Variants in GSE1 observed in about 807,000 individuals in gnomAD.
The protein encoded by GSE1 is genetic suppressor element 1.
Under a neutral mutation model 112.6 loss-of-function variants are expected in GSE1, and 32 were observed. The observed-to-expected ratio is 0.28, with a 90% confidence interval of 0.21 to 0.38. The LOEUF is 0.38. GSE1 is among the 10% of genes least tolerant of loss of function. The pLI, the probability that GSE1 is intolerant of heterozygous loss-of-function variation, is 1.00. For missense variants in GSE1, 2,348 were observed against 1,699.2 expected (o/e 1.38, Z -6.71); for synonymous variants, 1,115 against 735.6 (o/e 1.52, Z -8.35).
chr16:85,172,848 AT>A (rs1451688179), intron 1 of GSE1, among the ~76,000 whole-genome samples: 1 of 152,188 alleles, frequency 6.6e-6, no homozygotes, highest in Non-Finnish European at 1.5e-5. Flanking sequence ...GAGGTGGACT[AT>A]CTGGGGGACA....
Position 85,527,427 on chromosome 16 carries a change from C to T in GSE1, c.2465-106487C>T, listed in dbSNP as rs975888315. ...CTGGGCTGGGATGAACCGGGATTACCGGGGAGGCAGGGGTTGAGGACAAAG... is the reference window on the plus strand; with the variant it reads ...CTGGGCTGGGATGAACCGGGATTACTGGGGAGGCAGGGGTTGAGGACAAAG... On this transcript the variant is annotated intron_variant, in intron 2 of 2. Transcript: ENST00000637419. Among the ~76,000 whole-genome samples the T allele has an allele frequency of 3.3e-5, 5 of 152,378 alleles. No individual in the cohort carries two copies. In the South Asian group the frequency reaches 8.3e-4, roughly 25 times the overall value.
At chr16:85,437,160 C>T (rs540077595) in intron 2 of GSE1, among the ~76,000 whole-genome samples, 152 of 152,226 alleles carry the variant, frequency 1.0e-3, no homozygotes, top group African/African-American at 3.5e-3. Context: ...CCCACAGTCC[C>T]CCAACCCTCT....
intron 1 of GSE1, among the ~76,000 whole-genome samples, chr16:85,221,179 G>T (rs535410930): frequency 2.6e-5 from 4 of 152,142 alleles, no homozygotes; most frequent in African/African-American, 9.6e-5. Flanking sequence ...ATGGTCACAG[G>T]GTCGGCATCT....
At chr16:85,338,843 C>G (rs1008613496) in intron 1 of GSE1, among the ~76,000 whole-genome samples, 2 of 152,212 alleles carry the variant, frequency 1.3e-5, no homozygotes, top group African/African-American at 2.4e-5. Flanking sequence ...GCAGGGCAAG[C>G]TGTGATGGAC....
intron 2 of GSE1, among the ~76,000 whole-genome samples, chr16:85,529,778 C>T (rs1399915232): frequency 6.6e-6 from 1 of 152,182 alleles, no homozygotes; most frequent in African/African-American, 2.4e-5. Flanking sequence ...GACTGTCTAG[C>T]TAGAGGAGGT....
rs933503291 is a variant in GSE1, at chr16:85,459,404, G to A, written c.2464+101761G>A. ...AGAGTGACTTTGGGTTTCAGCTCCC[G>A]CTTGCCATTTCCTCCAGGAGCTCTT... On this transcript the variant is annotated intron_variant, in intron 2 of 2. Transcript: ENST00000637419. 2.6e-5 allele frequency among the ~76,000 whole-genome samples: 4 copies of A among 152,302 alleles called. No homozygotes were observed. In the East Asian group the frequency reaches 5.8e-4, roughly 22 times the overall value.
At chr16:85,614,708 C>G (rs2048259150) in intron 1 of GSE1, among the ~76,000 whole-genome samples, 1 of 152,210 alleles carries the variant, frequency 6.6e-6, no homozygotes, top group African/African-American at 2.4e-5. Flanking sequence ...CGGTTTGGCT[C>G]TTACAAACTA....
chr16:85,663,511 C>G lies in GSE1; in HGVS notation c.2541C>G (p.Thr847=), dbSNP rs144238002. ...QTPSPRLALS[T]RYSPDEMNNS... is the part of the protein sequence containing the mutation. ...CTTCACCGAGACTGGCGCTGTCTACCCGCTACAGCCCTGATGAGATGAACA... is the reference window on the plus strand; with the variant it reads ...CTTCACCGAGACTGGCGCTGTCTACGCGCTACAGCCCTGATGAGATGAACA... Residue 847 remains threonine, a synonymous_variant, in exon 11 of 16, where the codon ACC becomes ACG. Coordinates refer to ENST00000253458, the MANE Select transcript of GSE1 (RefSeq NM_014615.5). 1.9e-5 allele frequency: 30 copies of G among 1,613,906 alleles called. No individual in the cohort carries two copies. The highest frequency in any genetic ancestry group is 3.3e-4 in the Middle Eastern group (2 of 6,062).
intron 2 of GSE1, among the ~76,000 whole-genome samples, chr16:85,645,222 G>C (rs2050756025): frequency 6.6e-6 from 1 of 151,930 alleles, no homozygotes; most frequent in Non-Finnish European, 1.5e-5. Flanking sequence ...TCACGCCTCA[G>C]GGGCAGCAGC....
At chr16:85,467,892 A>C (rs2050169923) in intron 2 of GSE1, among the ~76,000 whole-genome samples, 1 of 152,356 alleles carries the variant, frequency 6.6e-6, no homozygotes, top group South Asian at 2.1e-4. Flanking sequence ...AACTTAGTGA[A>C]TGTTAGCACA....
In GSE1 at chr16:85,408,031, GCCCCCCTGGATAA is replaced by G. The variant is rs1567744602; in HGVS notation, c.2464+50389_2464+50401del. Among the ~76,000 whole-genome samples, 6 of 43,154 alleles carry G rather than the reference GCCCCCCTGGATAA, an allele frequency of 1.4e-4. 1 individual carries two copies. Among genetic ancestry groups the G allele is most frequent in the African/African-American group, 7.0e-4 (5 of 7,172 alleles). 28.3% of individuals were successfully genotyped at this position (43,154 alleles called of 152,430 possible). On this transcript the variant is annotated intron_variant, in intron 2 of 2. Coordinates refer to the GSE1 transcript ENST00000637419. ...GATAATCCTCACTGTTACACTCAGG[GCCCCCCTGGATAA>G]TCCTGTTACTCTCAGGGCACCTGGA...
chr16:85,305,603 C>T (rs1349722436), intron 1 of GSE1, among the ~76,000 whole-genome samples: 2 of 152,138 alleles, frequency 1.3e-5, no homozygotes, highest in Admixed American at 6.5e-5. Context: ...GCCTCAGCCT[C>T]CCGAGTAGCT....
At chr16:85,565,870 G>A (rs566318979) in intron 1 of GSE1, among the ~76,000 whole-genome samples, 2 of 152,292 alleles carry the variant, frequency 1.3e-5, no homozygotes, top group South Asian at 2.1e-4. Flanking sequence ...AGGGTTCCCC[G>A]GGTGTCCTTG....
rs988491951 is a variant in GSE1 at position 85,222,577 on chromosome 16, C to G, written c.2283+50770C>G. ...TTTTCACAATAGCCAGTTCCCACCC[C>G]CAGCAGCCATGCACCAACATCTCTT... On this transcript the variant is annotated intron_variant, in intron 1 of 2. Coordinates refer to the GSE1 transcript ENST00000637419. Among the ~76,000 whole-genome samples the G allele has an allele frequency of 5.9e-5, 9 of 152,348 alleles. No individual in the cohort carries two copies. In the East Asian group the frequency reaches 1.7e-3, roughly 29 times the overall value.
chr16:85,528,767 G>T (rs1418931726), intron 2 of GSE1, among the ~76,000 whole-genome samples: 1 of 152,114 alleles, frequency 6.6e-6, no homozygotes, highest in Non-Finnish European at 1.5e-5. Flanking sequence ...CTTATCGTCT[G>T]GGGGAAGTGC....
chr16:85,587,139 C>T (rs1468007939), intron 1 of GSE1, among the ~76,000 whole-genome samples: 1 of 151,232 alleles, frequency 6.6e-6, no homozygotes. Context: ...GTGCTGGTCC[C>T]AGTGTGGGCG....
At chr16:85,483,043 C>G (rs533486631) in intron 2 of GSE1, among the ~76,000 whole-genome samples, 1 of 152,094 alleles carries the variant, frequency 6.6e-6, no homozygotes, top group Admixed American at 6.5e-5. Context: ...CTGGAAGATT[C>G]CACACATAAG....
intron 1 of GSE1, among the ~76,000 whole-genome samples, chr16:85,266,904 C>G (rs1908302965): frequency 1.3e-5 from 2 of 152,148 alleles, no homozygotes; most frequent in African/African-American, 4.8e-5. Flanking sequence ...CCTGCCCTCT[C>G]CCCCTTGGTC....
At chr16:85,385,867 CCAGCTT>C (rs2047677888) in intron 2 of GSE1, among the ~76,000 whole-genome samples, 1 of 152,208 alleles carries the variant, frequency 6.6e-6, no homozygotes, top group Non-Finnish European at 1.5e-5. Flanking sequence ...AGCTCCAGCT[CCAGCTT>C]GAGACGGGGC....
Sources: gnomAD v4.1 joint callset for allele counts (sites outside exome capture counted in the v4.1 genomes callset) on GRCh38, gnomAD v4.1.1 for gene constraint, MANE v1.5 for transcripts, NCBI Gene and HGNC (gene_info 2026-07-23, HGNC 2026-07-21) for gene names.